Variants in PCDHA4 observed in about 807,000 individuals in gnomAD.
PCDHA4 encodes the protein protocadherin alpha-4.
PCDHA4 carries 49 observed loss-of-function variants against 61.4 expected under a neutral mutation model. That is an observed-to-expected ratio of 0.80 (90% CI 0.63 to 1.01). The LOEUF is 1.01. Among genes scored for constraint, PCDHA4 ranks in the 50% least tolerant of loss-of-function variants. The pLI is 0.00. For missense variants in PCDHA4, 1,254 were observed against 1,235.8 expected (o/e 1.01, Z -0.22); for synonymous variants, 590 against 550.3 (o/e 1.07, Z -1.01).
chr5:141,006,979 G>T (rs1236461454), intron 3 of PCDHA4, among the ~76,000 whole-genome samples: 1 of 152,156 alleles, frequency 6.6e-6, no homozygotes, highest in Non-Finnish European at 1.5e-5. Context: ...ACAGAGAGAT[G>T]TGGGCTTAAA....
rs1026092245 is a variant in PCDHA4 at position 140,987,228 on chromosome 5, T to A, written c.2533+4665T>A. On this transcript the variant is annotated intron_variant, in intron 3 of 3. Transcript: ENST00000530339. The stretch of plus-strand genomic sequence containing the variant: ...GACTCCATCTCAAAAAAAAAAAAAA[T>A]AATAAATAAAGAAAGAAAGACATTC... Among the ~76,000 whole-genome samples, 392 of 149,148 alleles carry A rather than the reference T, an allele frequency of 2.6e-3. 1 individual carries two copies. Among genetic ancestry groups the A allele is most frequent in the African/African-American group, 8.3e-3 (336 of 40,458 alleles).
intron 1 of PCDHA4, among the ~76,000 whole-genome samples, chr5:140,878,322 T>C (rs2057540228): frequency 6.6e-6 from 1 of 152,228 alleles, no homozygotes; most frequent in Non-Finnish European, 1.5e-5. Context: ...CATTTTCACA[T>C]TATATTCCAG....
chr5:140,808,798 T>G lies in PCDHA4; in HGVS notation c.1611T>G (p.Ala537=), dbSNP rs2337987. 0.54 allele frequency: 868,108 copies of G among 1,612,488 alleles called. 235,386 individuals are homozygous for G. The highest frequency in any genetic ancestry group is 0.7 in the African/African-American group (52,577 of 74,962). Residue 537 remains alanine (A), a synonymous_variant, in exon 1 of 4, where the codon GCT becomes GCG. Transcript: ENST00000530339. ...ELELLQFQVT[A]RDAGVPPLGS... The stretch of plus-strand genomic sequence containing the variant: ...AGCTGCTGCAGTTTCAGGTGACCGC[T>G]CGCGATGCCGGCGTGCCACCTCTGG...
intron 1 of PCDHA4, chr5:140,835,471 C>A (rs1453069564): frequency 1.2e-6 from 2 of 1,613,816 alleles, no homozygotes; most frequent in Admixed American, 1.7e-5. Context: ...CCAGAGGACG[C>A]CCAACCAGGT....
chr5:140,808,799 C>G lies in PCDHA4; in HGVS notation c.1612C>G (p.Arg538Gly), dbSNP rs1207755540. The change falls in exon 1 of 4, where the codon CGC becomes GGC. Residue 538 changes from arginine to glycine, a missense_variant. Arg to Gly is a moderately radical substitution (Grantham distance 125). Transcript: ENST00000530339. ...LELLQFQVTA[R>G]DAGVPPLGSN... ...GCTGCTGCAGTTTCAGGTGACCGCT[C>G]GCGATGCCGGCGTGCCACCTCTGGG... 5 of 1,612,456 alleles carry G rather than the reference C, an allele frequency of 3.1e-6. No homozygotes were observed. In the East Asian group the frequency reaches 6.7e-5, roughly 22 times the overall value.
chr5:140,934,868 G>A (rs2090080725), intron 1 of PCDHA4, among the ~76,000 whole-genome samples: 1 of 152,128 alleles, frequency 6.6e-6, no homozygotes, highest in African/African-American at 2.4e-5. Flanking sequence ...CTTTGTGAGT[G>A]TGTTTGTGTA....
rs11350929 is a variant in PCDHA4, at chr5:140,972,660, ATTT to A, written c.2386-6269_2386-6267del. Among the ~76,000 whole-genome samples, 687 of 117,242 alleles carry A rather than the reference ATTT, an allele frequency of 5.9e-3. 9 individuals carry two copies. Among genetic ancestry groups the A allele is most frequent in the African/African-American group, 0.021 (630 of 30,162 alleles). 76.9% of individuals were successfully genotyped at this position (117,242 alleles called of 152,430 possible). A position where few individuals can be genotyped will look rare whatever the true frequency, so the allele number is the denominator to read the frequency against. On this transcript the variant is annotated intron_variant, in intron 1 of 3. Coordinates refer to ENST00000530339, the MANE Select transcript of PCDHA4 (RefSeq NM_018907.4). ...CAGAGTCTCCATAAAAAGAAACCAAATTTTTTTTTTTTTTTTTTTTTTGAGATG... is the reference window on the plus strand; with the variant it reads ...CAGAGTCTCCATAAAAAGAAACCAAATTTTTTTTTTTTTTTTTTTGAGATG...
In PCDHA4 at chr5:140,829,954, G is replaced by A. The variant is rs2150178517; in HGVS notation, c.2385+20382G>A. 14 of 1,613,992 alleles carry A rather than the reference G, an allele frequency of 8.7e-6. No individual in the cohort carries two copies. In the South Asian group the frequency reaches 9.9e-5, roughly 11 times the overall value. ...CCCCGGCAAGCAGCGCTCGCTTCCC[G>A]TTTCGCGTGGGGCTGTACACGGGCG... On this transcript the variant is annotated intron_variant, in intron 1 of 3. Transcript: ENST00000530339.
At chr5:140,912,652 G>A (rs555103404) in intron 1 of PCDHA4, among the ~76,000 whole-genome samples, 2 of 152,132 alleles carry the variant, frequency 1.3e-5, no homozygotes, top group South Asian at 2.1e-4. Context: ...TTGAATAGAA[G>A]TGGTGAAAAT....
intron 1 of PCDHA4, chr5:140,835,952 G>A (rs1366259888): frequency 1.2e-6 from 2 of 1,612,910 alleles, no homozygotes; most frequent in Non-Finnish European, 1.7e-6. Flanking sequence ...TGCAGCCGTT[G>A]GACCACGAGG....
At chr5:140,854,262 A>G in intron 1 of PCDHA4, 1 of 592,128 alleles carries the variant, frequency 1.7e-6, no homozygotes, top group South Asian at 7.2e-5. Flanking sequence ...TAAAATGTAC[A>G]TTAGTAGAAA....
chr5:140,830,127 C>A (rs2150181512), intron 1 of PCDHA4: 1 of 1,613,466 alleles, frequency 6.2e-7, no homozygotes, highest in East Asian at 2.2e-5. Context: ...CCAAAGGCGT[C>A]ATCACGGGCG....
intron 1 of PCDHA4, chr5:140,867,234 G>T (rs782656807): frequency 2.0e-5 from 3 of 152,032 alleles, no homozygotes; most frequent in African/African-American, 4.8e-5. Context: ...CCATAATAAG[G>T]TGATTGAGGA....
chr5:140,870,766 C>G, intron 1 of PCDHA4: 3 of 1,613,562 alleles, frequency 1.9e-6, no homozygotes, highest in South Asian at 1.1e-5. Context: ...GGTGTTCGTG[C>G]TGGACGAGAA....
Position 140,808,411 on chromosome 5 carries a change from G to T in PCDHA4, c.1224G>T (p.Val408=), listed in dbSNP as rs1764164974. Residue 408 remains valine (V), a synonymous_variant, in exon 1 of 4, where the codon GTG becomes GTT. Coordinates refer to ENST00000530339, the MANE Select transcript of PCDHA4 (RefSeq NM_018907.4). ...CCTTCAAGAATTACTACTCGTTGGTGCTGGACAGTGCCCTGGACCGCGAGA... is the reference window on the plus strand; with the variant it reads ...CCTTCAAGAATTACTACTCGTTGGTTCTGGACAGTGCCCTGGACCGCGAGA... ...VSTFKNYYSL[V]LDSALDRESV... is the part of the protein sequence containing the mutation. 6.2e-7 allele frequency: 1 copy of T among 1,614,042 alleles called. No homozygotes were observed. The highest frequency in any genetic ancestry group is 1.7e-5 in the Admixed American group (1 of 60,014).
intron 3 of PCDHA4, among the ~76,000 whole-genome samples, chr5:140,995,211 A>G (rs529613370): frequency 2.6e-5 from 4 of 152,188 alleles, no homozygotes; most frequent in Non-Finnish European, 4.4e-5. Context: ...ATTAGGCACA[A>G]TACTCTTGTG....
At chr5:140,970,252 T>G (rs2096392828) in intron 1 of PCDHA4, among the ~76,000 whole-genome samples, 1 of 152,234 alleles carries the variant, frequency 6.6e-6, no homozygotes, top group South Asian at 2.1e-4. Flanking sequence ...GTTGACAGTT[T>G]CTATGGTTTT....
At chr5:140,890,634 T>A (rs986470825) in intron 1 of PCDHA4, among the ~76,000 whole-genome samples, 3 of 152,204 alleles carry the variant, frequency 2.0e-5, no homozygotes, top group African/African-American at 7.2e-5. Context: ...TAAGCATGTA[T>A]CCTTGATATA....
intron 1 of PCDHA4, chr5:140,843,100 G>C: frequency 6.3e-7 from 1 of 1,595,760 alleles, no homozygotes; most frequent in East Asian, 2.2e-5. Flanking sequence ...TGGTAGCGAA[G>C]GTGCGCGCAG....
Sources: allele counts gnomAD v4.1 joint callset (sites outside exome capture counted in the v4.1 genomes callset), GRCh38; gene constraint gnomAD v4.1.1; transcripts MANE v1.5; gene names NCBI Gene and HGNC (gene_info 2026-07-23, HGNC 2026-07-21).